PACS2: variants seen among roughly 807,000 people sequenced by gnomAD.
PACS2 encodes PACS1-like protein.
In PACS2, 36 loss-of-function variants were observed where a neutral mutation model predicts 113.0. That is an observed-to-expected ratio of 0.32 (90% confidence interval 0.24 to 0.42). The LOEUF (loss-of-function observed/expected upper bound fraction) is 0.42, where lower values mean the gene tolerates loss of function less well. Among genes scored for constraint, PACS2 ranks in the 10% least tolerant of loss-of-function variants. The probability of loss-of-function intolerance (pLI) is 1.00; values close to 1 mark genes in which losing one functional copy is unlikely to be tolerated. For synonymous variants in PACS2, 589 were observed against 536.1 expected (o/e 1.10, Z -1.36); for missense variants, 1,015 against 1,239.5 (o/e 0.82, Z 2.72).
chr14:105,341,302 C>T (rs1352918852), intron 1 of PACS2, among the ~76,000 whole-genome samples: 1 of 152,212 alleles, frequency 6.6e-6, no homozygotes, highest in Admixed American at 6.5e-5. Flanking sequence ...TTCAAGTCGG[C>T]TCTTTTATTC....
intron 11 of PACS2, 122 bp from the exon 12 acceptor site, chr14:105,380,834 CA>C (rs1488795567): frequency 3.7e-5 from 34 of 928,236 alleles, no homozygotes; most frequent in Non-Finnish European, 5.2e-5. Context: ...GCCGGGTCCA[CA>C]TGTAGGAGCC....
At chr14:105,382,659 C>CAGGTGTGCCGGGTAG in intron 14 of PACS2, 78 bp downstream of exon 14, 2 of 1,029,590 alleles carry the variant, frequency 1.9e-6, no homozygotes, top group Non-Finnish European at 3.0e-6. Context: ...GCCCCCTACC[C>CAGGTGTGCCGGGTAG]GGCACACCTG....
intron 3 of PACS2, among the ~76,000 whole-genome samples, chr14:105,353,558 A>T (rs73359059): frequency 0.034 from 5,161 of 152,104 alleles, 342 homozygotes; most frequent in African/African-American, 0.12. Context: ...GAAGATTTGT[A>T]TTTGTTTATT....
At chr14:105,322,759 T>C (rs1428895019) in intron 1 of PACS2, among the ~76,000 whole-genome samples, 1 of 152,256 alleles carries the variant, frequency 6.6e-6, no homozygotes, top group Non-Finnish European at 1.5e-5. Flanking sequence ...TGATATTTGA[T>C]GAGCTTCAAA....
chr14:105,395,256 CAT>C lies in PACS2; in HGVS notation c.*585_*586del, dbSNP rs1346581529. On this transcript the variant is annotated 3_prime_UTR_variant, in exon 25 of 25. Transcript: ENST00000447393. ...TACATGTTCTAATGTAGCTGCCAAA[CAT>C]GTTGCTCTTCTGAAGTCCCCCTGGG... The C allele has an allele frequency of 3.3e-5, 5 of 152,576 alleles. No homozygotes were observed. Among genetic ancestry groups the C allele is most frequent in the South Asian group, 2.1e-4 (1 of 4,846 alleles). The allele number at this position is 152,576 out of a possible 1,614,324, so 9.5% of individuals were successfully genotyped here.
chr14:105,348,408 G>C lies in PACS2; in HGVS notation c.120-85G>C. The C allele has an allele frequency of 2.8e-6, 3 of 1,059,868 alleles. No homozygotes were observed. Among genetic ancestry groups the C allele is most frequent in the South Asian group, 1.3e-5 (1 of 76,122 alleles). The allele number at this position is 1,059,868 out of a possible 1,614,324, so 65.7% of individuals were successfully genotyped here. A position where few individuals can be genotyped will look rare whatever the true frequency, so the allele number is the denominator to read the frequency against. ...CCTGCACCCCAGGGTGCAGGCTCCC[G>C]GGGTGACACAGTGCTGGGACGGCAC... On this transcript the variant is annotated intron_variant, in intron 1 of 24. Transcript: ENST00000447393. This position sits in a 1 kb window ranked among gnomAD's most constrained non-coding sequence, Gnocchi z 6.4.
At chr14:105,336,625 C>G (rs1426470730) in intron 1 of PACS2, 1 of 152,328 alleles carries the variant, frequency 6.6e-6, no homozygotes, top group Non-Finnish European at 1.5e-5. Context: ...GCACGCACGC[C>G]CCATGCTCCA....
upstream of PACS2, among the ~76,000 whole-genome samples, chr14:105,311,093 C>T (rs1057070779): frequency 2.0e-5 from 3 of 152,088 alleles, no homozygotes; most frequent in Admixed American, 6.6e-5. Context: ...GCTGGGATTA[C>T]AGGCGCGCAC....
In PACS2 at chr14:105,392,719, G is replaced by A. The variant is rs2141315783; in HGVS notation, c.2356G>A (p.Val786Ile). The change falls in exon 23 of 25, where the codon GTC becomes ATC. Residue 786 changes from valine to isoleucine, a missense_variant. Val to Ile is a conservative substitution (Grantham distance 29). This residue lies in a region of PACS2 where 859 missense variants were observed against 1,056.8 expected (regional missense o/e 0.81). Coordinates refer to ENST00000447393, the MANE Select transcript of PACS2 (RefSeq NM_001100913.3). ...KRDAEKKDLP[V>I]TKNTLKCTFR... ...GGACGCCGAGAAGAAGGACCTGCCT[G>A]TCACCAAAAACACGCTCAAGTGCAC... 6.2e-7 allele frequency: 1 copy of A among 1,613,034 alleles called. No homozygotes were observed. The highest frequency in any genetic ancestry group is 8.5e-7 in the Non-Finnish European group (1 of 1,180,000).
chr14:105,342,062 G>C (rs1000019252), intron 1 of PACS2, among the ~76,000 whole-genome samples: 1 of 152,220 alleles, frequency 6.6e-6, no homozygotes, highest in East Asian at 1.9e-4. Flanking sequence ...TTCTGGAAAC[G>C]AGCGTGGAAG....
chr14:105,327,549 G>GCT (rs1303589599), intron 1 of PACS2, among the ~76,000 whole-genome samples: 3 of 152,100 alleles, frequency 2.0e-5, no homozygotes, highest in Non-Finnish European at 4.4e-5. Context: ...TGCCGCTAGC[G>GCT]CTCGGAGCCT....
intron 1 of PACS2, among the ~76,000 whole-genome samples, chr14:105,347,633 C>T (rs1459933260): frequency 1.3e-5 from 2 of 152,174 alleles, no homozygotes; most frequent in Admixed American, 1.3e-4. Context: ...CAGTGCCATC[C>T]CTATCTGGAT....
intron 24 of PACS2, 199 bp downstream of exon 24, chr14:105,393,534 C>G: frequency 4.1e-6 from 2 of 483,642 alleles, no homozygotes; most frequent in Middle Eastern, 5.2e-4. Context: ...TTTTTTCAAC[C>G]CTTTTTGCTT....
intron 20 of PACS2, chr14:105,390,783 A>G (rs1012049575): frequency 1.2e-5 from 3 of 248,142 alleles, no homozygotes; most frequent in Non-Finnish European, 2.4e-5. Context: ...TCGGGCACAC[A>G]GGCCTTCCCA....
chr14:105,392,715 G>A lies in PACS2; in HGVS notation c.2352G>A (p.Leu784=), dbSNP rs782353519. Residue 784 remains leucine (L), a synonymous_variant, in exon 23 of 25, where the codon CTG becomes CTA. Transcript: ENST00000447393. ...DRKRDAEKKD[L]PVTKNTLKCT... ...AGAGGGACGCCGAGAAGAAGGACCT[G>A]CCTGTCACCAAAAACACGCTCAAGT... 1.2e-6 allele frequency: 2 copies of A among 1,612,892 alleles called. No homozygotes were observed. The highest frequency in any genetic ancestry group is 2.7e-5 in the African/African-American group (2 of 74,916).
At position 105,366,534 on chromosome 14, in the gene PACS2, G is replaced by A. The variant is rs917281517; in HGVS notation, c.424-679G>A. On this transcript the variant is annotated intron_variant, in intron 4 of 24. Coordinates refer to ENST00000447393, the MANE Select transcript of PACS2 (RefSeq NM_001100913.3). The surrounding 1 kb of genome is among the most constrained non-coding windows in gnomAD (Gnocchi z 4.3). ...GCGGGGCTGTGCCTGGGTACAGGTCGTGGCTGCAGGAGGGGCCGGGGCTTG... is the reference window on the plus strand; with the variant it reads ...GCGGGGCTGTGCCTGGGTACAGGTCATGGCTGCAGGAGGGGCCGGGGCTTG... Among the ~76,000 whole-genome samples, 4 of 152,206 alleles carry A rather than the reference G, an allele frequency of 2.6e-5. No individual in the cohort carries two copies. Among genetic ancestry groups the A allele is most frequent in the Non-Finnish European group, 4.4e-5 (3 of 68,038 alleles).
rs2141258116 is a variant in PACS2, at chr14:105,384,461, CG to C, written c.1891+1del. 1 of 1,600,768 alleles carries C rather than the reference CG, an allele frequency of 6.2e-7. No individual in the cohort carries two copies. ...DLFNKLEAQS[A>X]VQDTPDIVSR... ...TTCAACAAGCTGGAGGCCCAGAGTG[CG>C]GGTGAGGCCCGGGCGCGTCCACAGC... On this transcript the variant is annotated frameshift_variant and splice_region_variant, in exon 17 of 25. Transcript: ENST00000447393. LOFTEE classifies it high-confidence loss of function.
intron 1 of PACS2, among the ~76,000 whole-genome samples, chr14:105,338,542 C>T (rs781899806): frequency 1.3e-5 from 2 of 152,182 alleles, no homozygotes; most frequent in Non-Finnish European, 2.9e-5. Context: ...TGCAGGATTC[C>T]GGGTCCTCCA....
chr14:105,382,970 C>T, intron 15 of PACS2, 57 bp downstream of exon 15: 1 of 1,027,120 alleles, frequency 9.7e-7, no homozygotes, highest in African/African-American at 1.6e-5. Context: ...GTCCCTGCAC[C>T]CCCACCTCTG....
Sources: allele counts gnomAD v4.1 joint callset (sites outside exome capture counted in the v4.1 genomes callset), GRCh38; gene constraint gnomAD v4.1.1; regional missense constraint gnomAD v4.1.1; non-coding constraint Gnocchi (gnomAD v3.1); transcripts MANE v1.5; gene names NCBI Gene and HGNC (gene_info 2026-07-23, HGNC 2026-07-21).